The following SDK2 variants were observed in gnomAD, a reference collection of about 807,000 sequenced individuals.
The protein encoded by SDK2 is sidekick cell adhesion molecule 2.
Under a neutral mutation model 253.9 loss-of-function variants are expected in SDK2, and 105 were observed. The observed-to-expected ratio is 0.41, with a 90% CI of 0.35 to 0.49. SDK2 has a LOEUF of 0.49. Ranked by LOEUF, SDK2 falls within the 20% of genes least tolerant of loss-of-function variation. The probability of loss-of-function intolerance (pLI) is 0.06; values close to 1 mark genes in which losing one functional copy is unlikely to be tolerated. For synonymous variants in SDK2, 1,249 were observed against 1,234.9 expected (o/e 1.01, Z -0.24); for missense variants, 2,608 against 3,003.0 (o/e 0.87, Z 3.07).
intron 1 of SDK2, among the ~76,000 whole-genome samples, chr17:73,615,237 G>A (rs777444868): frequency 1.3e-5 from 2 of 152,100 alleles, no homozygotes; most frequent in South Asian, 2.1e-4. Flanking sequence ...TGACTTTAAC[G>A]TTCTGCTGTC....
chr17:73,498,240 T>G (rs2063859315), intron 2 of SDK2, among the ~76,000 whole-genome samples: 1 of 152,038 alleles, frequency 6.6e-6, no homozygotes, highest in Non-Finnish European at 1.5e-5. Context: ...TCTCTCACGG[T>G]TTGTCCACAC....
chr17:73,357,664 T>G, intron 40 of SDK2: 2 of 311,730 alleles, frequency 6.4e-6, no homozygotes, highest in Non-Finnish European at 1.2e-5. Context: ...GCTGGTACGA[T>G]TATAGCAGCC....
intron 1 of SDK2, among the ~76,000 whole-genome samples, chr17:73,605,180 G>C (rs1222347416): frequency 1.3e-5 from 2 of 152,210 alleles, no homozygotes; most frequent in Non-Finnish European, 2.9e-5. Context: ...GCAATGAGGT[G>C]GGGGAAAGAG....
In SDK2 at chr17:73,435,539, C is replaced by T. The variant is rs369697758; in HGVS notation, c.1106G>A (p.Gly369Asp). 62 of 1,597,388 alleles carry T rather than the reference C, an allele frequency of 3.9e-5. No individual in the cohort carries two copies. The African/African-American group carries it at 7.5e-4, about 19-fold the overall frequency. ...CATGCCGGTATCATCGGGCACCAGG[C>T]CGCTGATCTGCAGGCCCCCGTCGTT... ...QRNDGGLQIS[G>D]LVPDDTGMFQ... Residue 369 changes from glycine to aspartate, a missense_variant, in exon 9 of 45, where the codon GGC becomes GAC. Physicochemically the swap from Gly to Asp is moderately conservative, Grantham distance 94 (BLOSUM62 -1). Transcript: ENST00000392650. The surrounding 1 kb of genome is among the most constrained non-coding windows in gnomAD (Gnocchi z 5.7).
intron 1 of SDK2, among the ~76,000 whole-genome samples, chr17:73,595,055 C>T (rs117232267): frequency 1.3e-5 from 2 of 152,270 alleles, no homozygotes; most frequent in Non-Finnish European, 2.9e-5. Context: ...GAAAAGACTT[C>T]GGCCTGTTTC....
Position 73,639,910 on chromosome 17 carries a change from G to A in SDK2, c.64+4115C>T, listed in dbSNP as rs984807528. Among the ~76,000 whole-genome samples the A allele has an allele frequency of 6.6e-6, 1 of 152,114 alleles. No homozygotes were observed. Among genetic ancestry groups the A allele is most frequent in the African/African-American group, 2.4e-5 (1 of 41,416 alleles). The stretch of plus-strand genomic sequence containing the variant: ...CCAGATGGCCTTGTGGGCAGACGAC[G>A]GTCCTAGATGACTTTTCGTGTGTCT... On this transcript the variant is annotated intron_variant, in intron 1 of 44. Coordinates refer to ENST00000392650, the MANE Select transcript of SDK2 (RefSeq NM_001144952.2). This position sits in a 1 kb window ranked among gnomAD's most constrained non-coding sequence, Gnocchi z 4.3.
chr17:73,638,806 C>CTTTT (rs1223522657), intron 1 of SDK2, among the ~76,000 whole-genome samples: 7 of 138,992 alleles, frequency 5.0e-5, no homozygotes, highest in African/African-American at 5.4e-5. Flanking sequence ...AGATAACAGT[C>CTTTT]TTTTTTTTTT....
intron 18 of SDK2, among the ~76,000 whole-genome samples, chr17:73,413,162 A>C (rs2063153409): frequency 6.6e-6 from 1 of 150,808 alleles, no homozygotes; most frequent in Admixed American, 6.6e-5. Flanking sequence ...TACCACCTAA[A>C]CTCCACCTCC....
intron 36 of SDK2, among the ~76,000 whole-genome samples, chr17:73,370,063 G>A (rs1226824851): frequency 6.6e-6 from 1 of 152,122 alleles, no homozygotes; most frequent in Non-Finnish European, 1.5e-5. Flanking sequence ...GTCATTTGGC[G>A]CCCCCTGCTG....
intron 18 of SDK2, among the ~76,000 whole-genome samples, chr17:73,406,679 C>G (rs2063082165): frequency 6.6e-6 from 1 of 152,122 alleles, no homozygotes; most frequent in Admixed American, 6.6e-5. Context: ...GTGGATTTGA[C>G]TTTATTATGT....
intron 1 of SDK2, among the ~76,000 whole-genome samples, chr17:73,638,620 G>C (rs1223152532): frequency 6.6e-6 from 1 of 152,064 alleles, no homozygotes; most frequent in Non-Finnish European, 1.5e-5. Flanking sequence ...GTGAATGCAG[G>C]GGGAGTGAGG....
intron 1 of SDK2, among the ~76,000 whole-genome samples, chr17:73,565,927 G>A (rs1024808588): frequency 6.6e-6 from 1 of 152,198 alleles, no homozygotes; most frequent in Non-Finnish European, 1.5e-5. Flanking sequence ...AGGTTCAAGC[G>A]ATTCTCCTGC....
intron 1 of SDK2, among the ~76,000 whole-genome samples, chr17:73,581,898 C>T (rs2045539845): frequency 6.6e-6 from 1 of 152,208 alleles, no homozygotes; most frequent in Non-Finnish European, 1.5e-5. Flanking sequence ...GAGGGACTCA[C>T]AGCCCACACT....
intron 1 of SDK2, among the ~76,000 whole-genome samples, chr17:73,556,474 G>A (rs545259810): frequency 6.6e-6 from 1 of 152,344 alleles, no homozygotes; most frequent in Admixed American, 6.5e-5. Context: ...TCTGGGCGAT[G>A]CTCACTGGAC....
Position 73,481,625 on chromosome 17 carries a change from G to A in SDK2, c.225-9407C>T, listed in dbSNP as rs2063724643. Among the ~76,000 whole-genome samples, 1 of 152,138 alleles carries A rather than the reference G, an allele frequency of 6.6e-6. No homozygotes were observed. The highest frequency in any genetic ancestry group is 2.4e-5 in the African/African-American group (1 of 41,412). On this transcript the variant is annotated intron_variant, in intron 2 of 44. Transcript: ENST00000392650. This position sits in a 1 kb window ranked among gnomAD's most constrained non-coding sequence, Gnocchi z 4.5. The stretch of plus-strand genomic sequence containing the variant: ...GTAGCCGGATCCCTCACCAACGCAG[G>A]ACGGAACCATCCAATCCACTGAGGG...
intron 1 of SDK2, among the ~76,000 whole-genome samples, chr17:73,569,284 G>A (rs1004068445): frequency 6.7e-6 from 1 of 149,262 alleles, no homozygotes; most frequent in Non-Finnish European, 1.5e-5. Flanking sequence ...TGCAACCTCC[G>A]CCTCCCAGGT....
intron 6 of SDK2, among the ~76,000 whole-genome samples, chr17:73,440,510 G>C (rs2063406909): frequency 6.6e-6 from 1 of 152,130 alleles, no homozygotes; most frequent in Non-Finnish European, 1.5e-5. Flanking sequence ...CTCCCTCTGG[G>C]CTCCTCCAAG....
rs372046186 is a variant in SDK2 at position 73,412,091 on chromosome 17, TAC to T, written c.2484+2551_2484+2552del. Among the ~76,000 whole-genome samples the T allele has an allele frequency of 6.3e-3, 588 of 92,692 alleles. 9 individuals carry two copies. The highest frequency in any genetic ancestry group is 0.022 in the African/African-American group (546 of 25,310). 60.8% of individuals were successfully genotyped at this position (92,692 alleles called of 152,430 possible). On this transcript the variant is annotated intron_variant, in intron 18 of 44. Coordinates refer to ENST00000392650, the MANE Select transcript of SDK2 (RefSeq NM_001144952.2). Reference sequence around the variant, plus strand: ...ATACGTATATATGTATATGTATATATACGTATATATGTATACGTATATATGTA... The same window carrying T: ...ATACGTATATATGTATATGTATATATGTATATATGTATACGTATATATGTA...
Position 73,436,348 on chromosome 17 carries a change from G to A in SDK2, c.1001-704C>T, listed in dbSNP as rs567715466. Among the ~76,000 whole-genome samples the A allele has an allele frequency of 2.8e-4, 43 of 152,042 alleles. No individual in the cohort carries two copies. In the East Asian group the frequency reaches 4.7e-3, roughly 17 times the overall value. On this transcript the variant is annotated intron_variant, in intron 8 of 44. Transcript: ENST00000392650. ...TCCCAGCACTTTGGGAGGCTGAGGCGGGTGGATCACCTGAGCTCAGGAGTT... is the reference window on the plus strand; with the variant it reads ...TCCCAGCACTTTGGGAGGCTGAGGCAGGTGGATCACCTGAGCTCAGGAGTT...
Sources: allele counts gnomAD v4.1 joint callset (sites outside exome capture counted in the v4.1 genomes callset), GRCh38; gene constraint gnomAD v4.1.1; non-coding constraint Gnocchi (gnomAD v3.1); transcripts MANE v1.5; gene names NCBI Gene and HGNC (gene_info 2026-07-23, HGNC 2026-07-21).